CLCN7: variants seen among roughly 807,000 people sequenced by gnomAD.
CLCN7 encodes H(+)/Cl(-) exchange transporter 7.
CLCN7 carries 60 observed loss-of-function variants against 102.1 expected under a neutral mutation model. That is an observed-to-expected ratio of 0.59 (90% CI 0.48 to 0.73). The LOEUF (loss-of-function observed/expected upper bound fraction) is 0.73. CLCN7 is among the 30% of genes least tolerant of loss of function. The pLI is 0.00. For missense variants in CLCN7, 962 were observed against 1,125.7 expected, an observed-to-expected ratio of 0.85 and a Z score of 2.08; for synonymous variants, 560 against 490.5, an observed-to-expected ratio of 1.14 and a Z score of -1.87.
intron 2 of CLCN7, among the ~76,000 whole-genome samples, chr16:1,464,601 C>T (rs1409458673): frequency 1.3e-5 from 2 of 152,234 alleles, no homozygotes; most frequent in East Asian, 3.9e-4. Flanking sequence ...AGCACCCGGA[C>T]AGGTGGACTG....
chr16:1,463,998 C>T (rs756860455), intron 2 of CLCN7, among the ~76,000 whole-genome samples: 16 of 152,166 alleles, frequency 1.1e-4, no homozygotes, highest in Admixed American at 5.2e-4. Context: ...TGATCTTGAA[C>T]TCCTGAGCTC....
intron 1 of CLCN7, chr16:1,471,750 G>C (rs1241457288): frequency 1.3e-5 from 2 of 152,282 alleles, no homozygotes; most frequent in Admixed American, 6.5e-5. Flanking sequence ...CGGCGAGTCC[G>C]ATGCTCAGAG....
chr16:1,450,694 C>CCCAGCTGGG (rs773559226), intron 16 of CLCN7, 28 bp from the exon 17 acceptor site: 554 of 1,360,032 alleles, frequency 4.1e-4, no homozygotes, highest in Non-Finnish European at 5.0e-4. Flanking sequence ...CTGACGGGGC[C>CCCAGCTGGG]TCCACGACTC....
At chr16:1,447,836 T>C in intron 21 of CLCN7, 122 bp from the exon 22 acceptor site, 1 of 1,083,790 alleles carries the variant, frequency 9.2e-7, no homozygotes, top group Non-Finnish European at 1.4e-6. Flanking sequence ...ATGGGCCCCG[T>C]GTCGGTGGCT....
chr16:1,468,997 C>T (rs2039042289), intron 1 of CLCN7, among the ~76,000 whole-genome samples: 2 of 151,116 alleles, frequency 1.3e-5, no homozygotes, highest in South Asian at 4.2e-4. Flanking sequence ...TCGAGACCAG[C>T]CTGGCCAACA....
chr16:1,454,753 T>G (rs923389047), intron 12 of CLCN7, among the ~76,000 whole-genome samples: 1 of 152,088 alleles, frequency 6.6e-6, no homozygotes, highest in African/African-American at 2.4e-5. Flanking sequence ...GGTCCCCCAG[T>G]TTCCTGCGCA....
Position 1,460,897 on chromosome 16 carries a change from T to C in CLCN7, c.403A>G (p.Ile135Val). 6.2e-7 allele frequency: 1 copy of C among 1,613,950 alleles called. No homozygotes were observed. The highest frequency in any genetic ancestry group is 1.1e-5 in the South Asian group (1 of 91,086). Residue 135 changes from isoleucine to valine, a missense_variant, in exon 5 of 25, where the codon ATC (isoleucine) becomes GTC (valine). Transcript: ENST00000382745. Reference sequence around the variant, plus strand: ...AAGCAGGCCACGAGGCCCGTGAGGATCCCAATGAGGGCGCAGATGACCCAG... The same window carrying C: ...AAGCAGGCCACGAGGCCCGTGAGGACCCCAATGAGGGCGCAGATGACCCAG... Reference protein sequence around the residue: ...KRWVICALIGILTGLVACFID... With the variant: ...KRWVICALIGVLTGLVACFID...
intron 2 of CLCN7, among the ~76,000 whole-genome samples, chr16:1,463,454 T>C (rs369789082): frequency 3.3e-5 from 5 of 152,132 alleles, no homozygotes; most frequent in African/African-American, 1.2e-4. Context: ...GGCCACACAG[T>C]GAGACCTCAT....
chr16:1,469,267 C>A (rs1361974260), intron 1 of CLCN7, among the ~76,000 whole-genome samples: 1 of 152,000 alleles, frequency 6.6e-6, no homozygotes, highest in Non-Finnish European at 1.5e-5. Context: ...GGAACTACAT[C>A]AAACTTTAAA....
chr16:1,473,411 C>A (rs13331559), intron 1 of CLCN7, among the ~76,000 whole-genome samples: 58,066 of 132,840 alleles, frequency 0.44, 12,923 homozygotes, highest in East Asian at 0.68. Flanking sequence ...GAGTCTCGCT[C>A]TGCCCAGGCT....
chr16:1,461,582 G>C (rs1045968963), intron 3 of CLCN7, 21 bp downstream of exon 3: 3 of 1,613,186 alleles, frequency 1.9e-6, no homozygotes, highest in Admixed American at 1.7e-5. Flanking sequence ...CTCAGGGTCA[G>C]GGGGACAGAA....
At position 1,455,267 on chromosome 16, in the gene CLCN7, G is replaced by A. The variant is rs765827464; in HGVS notation, c.982-17C>T. 2 of 1,499,504 alleles carry A rather than the reference G, an allele frequency of 1.3e-6. No individual in the cohort carries two copies. Among genetic ancestry groups the A allele is most frequent in the East Asian group, 2.3e-5 (1 of 44,298 alleles). 92.9% of individuals were successfully genotyped at this position (1,499,504 alleles called of 1,614,324 possible). A position where few individuals can be genotyped will look rare whatever the true frequency, so the allele number is the denominator to read the frequency against. On this transcript the variant is annotated splice_polypyrimidine_tract_variant and intron_variant, in intron 11 of 24. Transcript: ENST00000382745. ...AGCAAAGAACTGCGGCAGAGGGCAG[G>A]AAACCAGCGCCCTCAGAGCCACGCT...
At chr16:1,452,128 T>C in intron 15 of CLCN7, 1 of 307,140 alleles carries the variant, frequency 3.3e-6, no homozygotes, top group South Asian at 3.0e-5. Context: ...GGGGGTGTTA[T>C]CCACGGGGCT....
Position 1,446,079 on chromosome 16 carries a change from G to T in CLCN7, c.*552C>A. 1.7e-6 allele frequency: 1 copy of T among 589,648 alleles called. No homozygotes were observed. The highest frequency in any genetic ancestry group is 3.1e-5 in the Admixed American group (1 of 32,454). The allele number at this position is 589,648 out of a possible 1,614,324, so 36.5% of individuals were successfully genotyped here. A position where few individuals can be genotyped will look rare whatever the true frequency, so the allele number is the denominator to read the frequency against. ...TGGCGCCAGTGTGAAGCTGCTCTCC[G>T]GGGCGGTCGCAGCCTCCAAACCCTG... is the stretch of plus-strand genomic sequence containing the variant. On this transcript the variant is annotated 3_prime_UTR_variant, in exon 25 of 25. Coordinates refer to ENST00000382745, the MANE Select transcript of CLCN7 (RefSeq NM_001287.6).
rs200294852 is a variant in CLCN7 at position 1,446,721 on chromosome 16, C to T, written c.2332-4G>A. The T allele has an allele frequency of 2.5e-6, 4 of 1,578,580 alleles. No homozygotes were observed. The East Asian group carries it at 9.4e-5, about 37-fold the overall frequency. ...TCCTGGTCACCAACCCGACAACCTG[C>T]AGGACAAGTCCAGGCCACAGTGACA... On this transcript the variant is annotated splice_region_variant and splice_polypyrimidine_tract_variant and intron_variant, in intron 24 of 24. Transcript: ENST00000382745.
chr16:1,453,771 C>T (rs533768198), intron 14 of CLCN7, 63 bp downstream of exon 14: 62 of 1,488,852 alleles, frequency 4.2e-5, no homozygotes, highest in Middle Eastern at 1.7e-4. Flanking sequence ...CCACCACGTC[C>T]GCTTTCAAAG....
chr16:1,460,576 G>GC, intron 5 of CLCN7, 49 bp from the exon 6 acceptor site: 1 of 1,462,216 alleles, frequency 6.8e-7, no homozygotes, highest in Non-Finnish European at 9.6e-7. Context: ...TGACCACCCA[G>GC]CCCAGACCTC....
rs970364360 is a variant in CLCN7 at position 1,474,984 on chromosome 16, C to G, written c.-10G>C. On this transcript the variant is annotated 5_prime_UTR_variant, in exon 1 of 25. Transcript: ENST00000382745. ...TAGAGACGTTGGCCATGGCCCGCCG[C>G]GGAGCGACACCGGCCGGGAAGCGCC... 151 of 1,472,864 alleles carry G rather than the reference C, an allele frequency of 1.0e-4. No homozygotes were observed. Among genetic ancestry groups the G allele is most frequent in the Non-Finnish European group, 1.3e-4 (150 of 1,114,598 alleles). 91.2% of individuals were successfully genotyped at this position (1,472,864 alleles called of 1,614,324 possible). A position where few individuals can be genotyped will look rare whatever the true frequency, so the allele number is the denominator to read the frequency against.
intron 21 of CLCN7, 57 bp downstream of exon 21, chr16:1,448,298 C>G: frequency 6.2e-7 from 1 of 1,604,116 alleles, no homozygotes; most frequent in East Asian, 2.2e-5. Flanking sequence ...GTGCTTCCCA[C>G]CAATGGACTC....
Sources: gnomAD v4.1 joint callset for allele counts (sites outside exome capture counted in the v4.1 genomes callset) on GRCh38, gnomAD v4.1.1 for gene constraint, MANE v1.5 for transcripts, NCBI Gene and HGNC (gene_info 2026-07-23, HGNC 2026-07-21) for gene names.